The following CPNE3 variants were observed in gnomAD, a reference collection of about 807,000 sequenced individuals.
The protein encoded by CPNE3 is copine-3.
In CPNE3, 68 loss-of-function variants were observed where a neutral mutation model predicts 63.9. The observed-to-expected ratio is 1.06, with a 90% CI of 0.87 to 1.30. The LOEUF (loss-of-function observed/expected upper bound fraction) is 1.30. CPNE3 is among the 50% of genes most tolerant of loss of function. The pLI is 0.00. For synonymous variants in CPNE3, 219 were observed against 197.5 expected (o/e 1.11, Z -0.91); for missense variants, 665 against 578.1 (o/e 1.15, Z -1.54).
intron 6 of CPNE3, among the ~76,000 whole-genome samples, chr8:86,535,996 A>G (rs1329568609): frequency 6.6e-6 from 1 of 152,038 alleles, no homozygotes; most frequent in African/African-American, 2.4e-5. Flanking sequence ...GCTTTTTTAA[A>G]AAACCATTTT....
At chr8:86,554,757 G>A in intron 14 of CPNE3, 94 bp from the exon 15 acceptor site, 1 of 1,459,854 alleles carries the variant, frequency 6.9e-7, no homozygotes, top group Non-Finnish European at 9.3e-7. Context: ...AGCACTATAT[G>A]TTGATACATA....
At chr8:86,519,260 C>A (rs995416445) in intron 2 of CPNE3, among the ~76,000 whole-genome samples, 2 of 152,146 alleles carry the variant, frequency 1.3e-5, no homozygotes, top group African/African-American at 4.8e-5. Context: ...TGGAATAGAA[C>A]AATACCAGGA....
In CPNE3 at chr8:86,527,840, C is replaced by A. The variant is rs559481444; in HGVS notation, c.-10-696C>A. On this transcript the variant is annotated intron_variant, in intron 2 of 16. Transcript: ENST00000517490. ...GTTAAATAAACAAATAAAAATAAAA[C>A]TTAATCTGTTTTGTAGTATAATGCT... Among the ~76,000 whole-genome samples the A allele has an allele frequency of 2.6e-4, 39 of 150,346 alleles. No individual in the cohort carries two copies. The South Asian group carries it at 7.9e-3, about 31-fold the overall frequency.
intron 2 of CPNE3, among the ~76,000 whole-genome samples, chr8:86,525,579 A>G (rs1820524769): frequency 6.6e-6 from 1 of 152,228 alleles, no homozygotes; most frequent in Non-Finnish European, 1.5e-5. Flanking sequence ...AATTGGTTAA[A>G]TAATCAGCTG....
chr8:86,554,508 A>G (rs1007550272), intron 14 of CPNE3, among the ~76,000 whole-genome samples: 1 of 152,198 alleles, frequency 6.6e-6, no homozygotes, highest in African/African-American at 2.4e-5. Flanking sequence ...CATCAGTTGT[A>G]TGATGTGAAA....
Position 86,548,504 on chromosome 8 carries a change from C to T in CPNE3, c.1013+70C>T, listed in dbSNP as rs932965403. On this transcript the variant is annotated intron_variant, in intron 12 of 16. Coordinates refer to ENST00000517490, the MANE Select transcript of CPNE3 (RefSeq NM_003909.5). Reference sequence around the variant, plus strand: ...CCCCAGAAAGGGTAGTTTGTTTCATCGGCTAGCACTCTGATATAGGTGGTA... The same window carrying T: ...CCCCAGAAAGGGTAGTTTGTTTCATTGGCTAGCACTCTGATATAGGTGGTA... 3.9e-5 allele frequency: 62 copies of T among 1,583,400 alleles called. No individual in the cohort carries two copies. The Middle Eastern group carries it at 5.0e-4, about 13-fold the overall frequency.
intron 12 of CPNE3, among the ~76,000 whole-genome samples, chr8:86,548,728 C>T (rs1821108724): frequency 1.3e-5 from 2 of 152,056 alleles, no homozygotes; most frequent in Admixed American, 1.3e-4. Flanking sequence ...TTTCTTTAGT[C>T]TGGTTTCCTT....
rs1259912405 is a variant in CPNE3, at chr8:86,560,047, A to C, written c.*1637A>C. 1 of 152,136 alleles carries C rather than the reference A, an allele frequency of 6.6e-6. No individual in the cohort carries two copies. Among genetic ancestry groups the C allele is most frequent in the Non-Finnish European group, 1.5e-5 (1 of 68,044 alleles). The allele number at this position is 152,136 out of a possible 1,614,324, so 9.4% of individuals were successfully genotyped here. ...GCCTAGCCCAGATGAGCATTTACCT[A>C]CCACCTTCCCACTTGGCTAGCTGTC... On this transcript the variant is annotated 3_prime_UTR_variant, in exon 17 of 17. Transcript: ENST00000517490.
chr8:86,528,431 C>A, intron 2 of CPNE3, 105 bp from the exon 3 acceptor site: 1 of 1,251,222 alleles, frequency 8.0e-7, no homozygotes, highest in Non-Finnish European at 1.1e-6. Flanking sequence ...CTCTATAAGC[C>A]TATTGTGACA....
At position 86,560,132 on chromosome 8, in the gene CPNE3, T is replaced by G. The variant is rs1821405925; in HGVS notation, c.*1722T>G. The G allele has an allele frequency of 6.6e-6, 1 of 152,204 alleles. No individual in the cohort carries two copies. Among genetic ancestry groups the G allele is most frequent in the South Asian group, 2.1e-4 (1 of 4,832 alleles). The allele number at this position is 152,204 out of a possible 1,614,324, so 9.4% of individuals were successfully genotyped here. The stretch of plus-strand genomic sequence containing the variant: ...TAACTAGTAGCCTGCTACTCCATAG[T>G]ATGGCTCAATAGATGACACATCATT... On this transcript the variant is annotated 3_prime_UTR_variant, in exon 17 of 17. Coordinates refer to ENST00000517490, the MANE Select transcript of CPNE3 (RefSeq NM_003909.5).
In CPNE3 at chr8:86,528,934, G is replaced by T. The variant is rs768889410; in HGVS notation, c.133-11G>T. 8.8e-6 allele frequency: 14 copies of T among 1,590,330 alleles called. No homozygotes were observed. The highest frequency in any genetic ancestry group is 1.4e-5 in the African/African-American group (1 of 73,462). ...CTGAAGAAACTTTTTTGTTTTTGCG[G>T]ATGGGTGTAGGTTGAGCGCACAGAA... On this transcript the variant is annotated splice_polypyrimidine_tract_variant and intron_variant, in intron 3 of 16. Transcript: ENST00000517490.
intron 2 of CPNE3, among the ~76,000 whole-genome samples, chr8:86,527,996 TG>T (rs1431518604): frequency 2.8e-5 from 4 of 143,222 alleles, no homozygotes; most frequent in Non-Finnish European, 4.5e-5. Flanking sequence ...TTGCCCAGGC[TG>T]GAGTGCAGTG....
rs1278514703 is a variant in CPNE3 at position 86,561,369 on chromosome 8, T to C, written c.*2959T>C. The C allele has an allele frequency of 6.6e-6, 1 of 152,230 alleles. No individual in the cohort carries two copies. Among genetic ancestry groups the C allele is most frequent in the Non-Finnish European group, 1.5e-5 (1 of 68,040 alleles). 9.4% of individuals were successfully genotyped at this position (152,230 alleles called of 1,614,324 possible). A position where few individuals can be genotyped will look rare whatever the true frequency, so the allele number is the denominator to read the frequency against. ...AATATATGAATTGATGCTAAATATA[T>C]CTTACATTTGAATTCCTTTTGGATA... On this transcript the variant is annotated 3_prime_UTR_variant, in exon 17 of 17. Transcript: ENST00000517490.
intron 10 of CPNE3, chr8:86,547,491 G>A (rs1821077651): frequency 2.2e-6 from 1 of 447,134 alleles, no homozygotes; most frequent in Admixed American, 4.2e-5. Context: ...TTCGCCATTA[G>A]TATTCTAATC....
chr8:86,555,932 A>G (rs1821315092), intron 15 of CPNE3, among the ~76,000 whole-genome samples, 170 bp from the exon 16 acceptor site: 1 of 152,194 alleles, frequency 6.6e-6, no homozygotes, highest in Non-Finnish European at 1.5e-5. Flanking sequence ...CAGTTTTTGT[A>G]AGAGTCAATT....
At chr8:86,547,112 T>G (rs1352341777) in intron 10 of CPNE3, among the ~76,000 whole-genome samples, 1 of 152,194 alleles carries the variant, frequency 6.6e-6, no homozygotes, top group Non-Finnish European at 1.5e-5. Context: ...GAAAATCACA[T>G]GAGCATCTGG....
At chr8:86,532,627 T>C (rs1820708353) in intron 6 of CPNE3, 47 bp downstream of exon 6, 1 of 1,501,912 alleles carries the variant, frequency 6.7e-7, no homozygotes, top group Non-Finnish European at 9.2e-7. Context: ...GTTTTGCCTC[T>C]TTTTTAAGAA....
At chr8:86,529,876 G>A (rs1024973218) in intron 4 of CPNE3, among the ~76,000 whole-genome samples, 1 of 151,950 alleles carries the variant, frequency 6.6e-6, no homozygotes, top group African/African-American at 2.4e-5. Context: ...ATTTTTCAAG[G>A]TTGAATTGTT....
intron 2 of CPNE3, among the ~76,000 whole-genome samples, chr8:86,523,914 G>A (rs1820486139): frequency 3.3e-5 from 5 of 152,280 alleles, no homozygotes; most frequent in African/African-American, 1.2e-4. Flanking sequence ...GAACTTGGGT[G>A]GGCAGAGGTA....
Sources: allele counts gnomAD v4.1 joint callset (sites outside exome capture counted in the v4.1 genomes callset), GRCh38; gene constraint gnomAD v4.1.1; transcripts MANE v1.5; gene names NCBI Gene and HGNC (gene_info 2026-07-23, HGNC 2026-07-21).